Variants in GK5 observed in about 807,000 individuals in gnomAD.
The protein encoded by GK5 is ATP:glycerol 3-phosphotransferase 5.
GK5 carries 39 observed loss-of-function variants against 77.3 expected under a neutral mutation model. The observed-to-expected ratio is 0.50, with a 90% CI of 0.39 to 0.66. GK5 has a LOEUF of 0.66. Among genes scored for constraint, GK5 ranks in the 30% least tolerant of loss-of-function variants. The pLI is 0.00. For missense variants in GK5, 487 were observed against 633.8 expected (o/e 0.77, Z 2.49); for synonymous variants, 211 against 208.0 (o/e 1.01, Z -0.13).
At chr3:142,208,957 G>A (rs1389444226) in intron 3 of GK5, among the ~76,000 whole-genome samples, 1 of 152,144 alleles carries the variant, frequency 6.6e-6, no homozygotes, top group Non-Finnish European at 1.5e-5. Context: ...AGACCATCCT[G>A]GCTAACATGG....
At position 142,186,233 on chromosome 3, in the gene GK5, G is replaced by T; in HGVS notation, c.716C>A (p.Ser239Ter). The change falls in exon 8 of 16, where the codon TCG (serine) becomes TAG (stop). Residue 239 changes from serine (S) to a stop codon, truncating the protein, a stop_gained. Transcript: ENST00000392993. LOFTEE classifies it high-confidence loss of function. Reference protein sequence around the residue: ...CWSGMITSLISIPLSLLPPVR... With the variant: ...CWSGMITSLI ...AGGAGGTAGGAGAGAAAGTGGTATC[G>T]AAATTAGAGAGGTAATCATCCCACT... 2 of 1,606,292 alleles carry T rather than the reference G, an allele frequency of 1.2e-6. No individual in the cohort carries two copies. The highest frequency in any genetic ancestry group is 1.7e-6 in the Non-Finnish European group (2 of 1,173,156).
At chr3:142,217,988 A>C (rs1204952081) in intron 1 of GK5, among the ~76,000 whole-genome samples, 1 of 152,148 alleles carries the variant, frequency 6.6e-6, no homozygotes, top group Non-Finnish European at 1.5e-5. Context: ...GAGAGGAAAA[A>C]AAAGAATAAA....
intron 10 of GK5, among the ~76,000 whole-genome samples, 155 bp downstream of exon 10, chr3:142,182,768 G>C (rs1352778181): frequency 1.3e-5 from 2 of 151,800 alleles, no homozygotes; most frequent in Non-Finnish European, 2.9e-5. Flanking sequence ...TCACTTAAAG[G>C]GAAAAGAAAG....
chr3:142,210,652 T>TA (rs2064177979), intron 3 of GK5, among the ~76,000 whole-genome samples: 1 of 152,146 alleles, frequency 6.6e-6, no homozygotes, highest in South Asian at 2.1e-4. Context: ...ACAGCCAAGA[T>TA]AAAAAACTCA....
At chr3:142,219,949 A>G (rs2064319539) in intron 1 of GK5, among the ~76,000 whole-genome samples, 1 of 152,204 alleles carries the variant, frequency 6.6e-6, no homozygotes, top group Admixed American at 6.5e-5. Flanking sequence ...AGCCTGGGAG[A>G]CAGAGGGAGA....
intron 1 of GK5, among the ~76,000 whole-genome samples, chr3:142,219,662 C>T (rs140702808): frequency 3.4e-4 from 52 of 152,260 alleles, no homozygotes; most frequent in African/African-American, 1.1e-3. Flanking sequence ...CACCAAAAGT[C>T]GATTTTACTT....
chr3:142,194,087 T>C (rs2063895792), intron 5 of GK5, among the ~76,000 whole-genome samples: 1 of 152,172 alleles, frequency 6.6e-6, no homozygotes, highest in African/African-American at 2.4e-5. Flanking sequence ...TGCTAGTATA[T>C]AGAAACACGA....
chr3:142,224,885 A>C (rs946750706), intron 1 of GK5, among the ~76,000 whole-genome samples: 2 of 152,256 alleles, frequency 1.3e-5, no homozygotes, highest in African/African-American at 4.8e-5. Flanking sequence ...AATGTAAATA[A>C]AGATGTGGTG....
intron 11 of GK5, among the ~76,000 whole-genome samples, chr3:142,178,782 AG>A (rs1310484198): frequency 6.6e-6 from 1 of 152,238 alleles, no homozygotes; most frequent in Non-Finnish European, 1.5e-5. Flanking sequence ...ATTAACACAA[AG>A]GAATGGAATG....
chr3:142,160,864 G>T lies in GK5; in HGVS notation c.*4758C>A, dbSNP rs1267655632. The T allele has an allele frequency of 6.6e-6, 1 of 151,924 alleles. No individual in the cohort carries two copies. Among genetic ancestry groups the T allele is most frequent in the Non-Finnish European group, 1.5e-5 (1 of 68,012 alleles). 9.4% of individuals were successfully genotyped at this position (151,924 alleles called of 1,614,324 possible). ...TTCCTGAGTAGCTGGGACTACAGGG[G>T]CATACCACCACACCTGGCTAATTTA... On this transcript the variant is annotated 3_prime_UTR_variant, in exon 16 of 16. Transcript: ENST00000392993.
chr3:142,159,847 C>CTTTTTTTTTTTTTT lies in GK5; in HGVS notation c.*5774_*5775insAAAAAAAAAAAAAA, dbSNP rs1407448771. ...TGGGGCTTTCTCTCTCTCTCTCTCT[C>CTTTTTTTTTTTTTT]TCTCTCTTTTTTTTTTTTGAGACAG... On this transcript the variant is annotated 3_prime_UTR_variant, in exon 16 of 16. Coordinates refer to ENST00000392993, the MANE Select transcript of GK5 (RefSeq NM_001039547.3). 9.7e-5 allele frequency: 10 copies of CTTTTTTTTTTTTTT among 103,208 alleles called. No homozygotes were observed. Among genetic ancestry groups the CTTTTTTTTTTTTTT allele is most frequent in the African/African-American group, 4.0e-4 (10 of 25,194 alleles). The allele number at this position is 103,208 out of a possible 1,614,324, so 6.4% of individuals were successfully genotyped here. A position where few individuals can be genotyped will look rare whatever the true frequency, so the allele number is the denominator to read the frequency against.
Position 142,187,692 on chromosome 3 carries a change from G to A in GK5, c.619+12C>T. ...TCGGTTATTTAAAATAGATCTTTCAGGTCATCTTTACCTTTTGTGAGCTTA... is the reference window on the plus strand; with the variant it reads ...TCGGTTATTTAAAATAGATCTTTCAAGTCATCTTTACCTTTTGTGAGCTTA... On this transcript the variant is annotated intron_variant, in intron 6 of 15. Transcript: ENST00000392993. 2 of 1,577,470 alleles carry A rather than the reference G, an allele frequency of 1.3e-6. No individual in the cohort carries two copies. Among genetic ancestry groups the A allele is most frequent in the Non-Finnish European group, 1.7e-6 (2 of 1,152,444 alleles).
chr3:142,181,616 T>C (rs1385065325), intron 10 of GK5, 51 bp from the exon 11 acceptor site: 6 of 1,213,170 alleles, frequency 4.9e-6, no homozygotes, highest in Non-Finnish European at 6.1e-6. Context: ...TAATTCATTA[T>C]AGAGACTTCT....
intron 11 of GK5, among the ~76,000 whole-genome samples, chr3:142,180,239 G>A (rs1350686740): frequency 1.3e-5 from 2 of 152,074 alleles, no homozygotes; most frequent in Admixed American, 1.3e-4. Context: ...AGACAGAGCA[G>A]CAGAGGCAAC....
intron 1 of GK5, among the ~76,000 whole-genome samples, chr3:142,215,979 T>C (rs1405734567): frequency 6.6e-6 from 1 of 152,168 alleles, no homozygotes; most frequent in East Asian, 1.9e-4. Flanking sequence ...GAAAAAAGGC[T>C]TTTAAAAAAT....
At chr3:142,185,900 A>G in intron 9 of GK5, 29 bp downstream of exon 9, 1 of 1,585,546 alleles carries the variant, frequency 6.3e-7, no homozygotes, top group Non-Finnish European at 8.6e-7. Context: ...TATACTATAC[A>G]AAGGGAATCC....
At chr3:142,212,375 A>G (rs765214604) in intron 3 of GK5, among the ~76,000 whole-genome samples, 4 of 152,060 alleles carry the variant, frequency 2.6e-5, no homozygotes, top group Non-Finnish European at 4.4e-5. Context: ...CTCTACAAAA[A>G]ATACAAAAAA....
chr3:142,168,649 AT>A (rs2063500203), intron 15 of GK5, among the ~76,000 whole-genome samples: 1 of 152,030 alleles, frequency 6.6e-6, no homozygotes, highest in Non-Finnish European at 1.5e-5. Flanking sequence ...GCCTACTTTC[AT>A]TCTTATTCCT....
intron 5 of GK5, among the ~76,000 whole-genome samples, chr3:142,188,067 T>C (rs1560220015): frequency 6.6e-6 from 1 of 152,002 alleles, no homozygotes; most frequent in African/African-American, 2.4e-5. Flanking sequence ...TGTTTTTTTT[T>C]TAAAAAAAAC....
Sources: allele counts gnomAD v4.1 joint callset (sites outside exome capture counted in the v4.1 genomes callset), GRCh38; gene constraint gnomAD v4.1.1; transcripts MANE v1.5; gene names NCBI Gene and HGNC (gene_info 2026-07-23, HGNC 2026-07-21).